The following MID1 variants were observed in gnomAD, a reference collection of about 807,000 sequenced individuals.
MID1 encodes midline 1.
Under a neutral mutation model 40.4 loss-of-function variants are expected in MID1, and 7 were observed. The observed-to-expected ratio is 0.17, with a 90% CI of 0.10 to 0.33. MID1 has a LOEUF of 0.33. Among genes scored for constraint, MID1 ranks in the 10% least tolerant of loss-of-function variants. MID1 has a pLI of 1.00. For synonymous variants in MID1, 229 were observed against 221.2 expected, an observed-to-expected ratio of 1.04 and a Z score of -0.31; for missense variants, 367 against 558.5, an observed-to-expected ratio of 0.66 and a Z score of 3.46.
At position 10,584,072 on chromosome X, in the gene MID1, G is replaced by T. The variant is rs184336159; in HGVS notation, c.-56-16469C>A. On this transcript the variant is annotated intron_variant, in intron 1 of 9. Transcript: ENST00000317552. ...GAACAGAGAGCAGGTTAGGGGCCTG[G>T]TATCTCTGTTTCCAAAATGGCACCT... 2.3e-4 allele frequency among the ~76,000 whole-genome samples: 25 copies of T among 110,158 alleles called. No individual in the cohort carries two copies. The East Asian group carries it at 3.7e-3, about 16-fold the overall frequency.
At chrX:10,642,738 G>A (rs754310160) in intron 1 of MID1, among the ~76,000 whole-genome samples, 3 of 110,195 alleles carry the variant, frequency 2.7e-5, no homozygotes, top group African/African-American at 1.0e-4. Context: ...AAAGCTGGAG[G>A]CATCACGCTA....
intron 1 of MID1, among the ~76,000 whole-genome samples, chrX:10,717,128 T>C (rs2043310212): frequency 9.0e-6 from 1 of 111,729 alleles, no homozygotes; most frequent in Non-Finnish European, 1.9e-5. Flanking sequence ...AGGAAGAAAC[T>C]GCATCAACTA....
intron 1 of MID1, among the ~76,000 whole-genome samples, chrX:10,613,720 TATATATATATATAGAGAGAG>T (rs1331034777): frequency 1.8e-5 from 1 of 56,069 alleles, no homozygotes; most frequent in African/African-American, 9.0e-5. Flanking sequence ...TATATATATA[TATATATATATATAGAGAGAG>T]AGAGAGAGAG....
chrX:10,484,368 T>C (rs1470102422), intron 4 of MID1, among the ~76,000 whole-genome samples: 1 of 112,671 alleles, frequency 8.9e-6, no homozygotes, highest in African/African-American at 3.2e-5. Context: ...CTACTTATCC[T>C]TTAGATATGC....
intron 1 of MID1, among the ~76,000 whole-genome samples, chrX:10,824,738 T>C (rs2044203497): frequency 9.0e-6 from 1 of 111,678 alleles, no homozygotes; most frequent in Non-Finnish European, 1.9e-5. Flanking sequence ...GCAGGGAAAG[T>C]AGTGGAAAGA....
At chrX:10,730,816 C>T (rs1008024204) in intron 1 of MID1, among the ~76,000 whole-genome samples, 10 of 110,630 alleles carry the variant, frequency 9.0e-5, no homozygotes, top group African/African-American at 2.3e-4. Context: ...CCTCATGATC[C>T]GCCCACGTCG....
At chrX:10,596,539 C>T (rs914887837) in intron 1 of MID1, among the ~76,000 whole-genome samples, 1 of 112,079 alleles carries the variant, frequency 8.9e-6, no homozygotes, top group African/African-American at 3.2e-5. Context: ...TTGTCCACCC[C>T]ATTAATTATA....
chrX:10,451,516 C>T (rs967424380), intron 9 of MID1, among the ~76,000 whole-genome samples: 2 of 111,361 alleles, frequency 1.8e-5, no homozygotes, highest in African/African-American at 6.5e-5. Context: ...CCTTCTGTGG[C>T]ATGCATCGAG....
intron 1 of MID1, among the ~76,000 whole-genome samples, chrX:10,665,403 G>A (rs947387271): frequency 5.4e-5 from 6 of 111,483 alleles, no homozygotes; most frequent in African/African-American, 1.3e-4. Flanking sequence ...AGGTGAATTC[G>A]GCTGGTTCTT....
intron 1 of MID1, among the ~76,000 whole-genome samples, chrX:10,799,669 A>C (rs1261965708): frequency 9.3e-6 from 1 of 107,296 alleles, no homozygotes; most frequent in Non-Finnish European, 1.9e-5. Context: ...GATACCTAAC[A>C]GGCTGATCTC....
rs1293732350 is a variant in MID1, at chrX:10,730,083, C to CA, written c.-187+103470dup. On this transcript the variant is annotated intron_variant, in intron 1 of 10. Coordinates refer to the MID1 transcript ENST00000380785. ...TGGGCAACAGAGCGAGACTCCATCT[C>CA]AAAAAAAAAAAAATAAATAAATGAA... is the stretch of plus-strand genomic sequence containing the variant. Among the ~76,000 whole-genome samples the CA allele has an allele frequency of 7.0e-3, 484 of 69,167 alleles. 3 individuals carry two copies. The highest frequency in any genetic ancestry group is 0.017 in the Middle Eastern group (2 of 115). 60.1% of individuals were successfully genotyped at this position (69,167 alleles called of 115,157 possible). A position where few individuals can be genotyped will look rare whatever the true frequency, so the allele number is the denominator to read the frequency against.
chrX:10,557,208 TC>T (rs1934155645), intron 2 of MID1, among the ~76,000 whole-genome samples: 1 of 111,633 alleles, frequency 9.0e-6, no homozygotes, highest in African/African-American at 3.3e-5. Context: ...CATGGGGGCA[TC>T]TTCTAGGCAA....
chrX:10,691,336 G>A (rs1436264336), intron 1 of MID1, among the ~76,000 whole-genome samples: 3 of 111,570 alleles, frequency 2.7e-5, no homozygotes, highest in Non-Finnish European at 3.8e-5. Context: ...TCAGGAGTTC[G>A]AGACCTGTTG....
At chrX:10,789,509 G>A (rs1016925460) in intron 1 of MID1, among the ~76,000 whole-genome samples, 5 of 111,906 alleles carry the variant, frequency 4.5e-5, no homozygotes, top group African/African-American at 1.6e-4. Context: ...AAATACCATT[G>A]TGTTACAGTT....
intron 1 of MID1, among the ~76,000 whole-genome samples, chrX:10,771,547 A>G (rs1418197593): frequency 9.3e-6 from 1 of 106,988 alleles, no homozygotes; most frequent in Non-Finnish European, 1.9e-5. Context: ...GCTGGAGTGC[A>G]GTGGTGCAAT....
At chrX:10,742,682 T>G in intron 1 of MID1, among the ~76,000 whole-genome samples, 1 of 112,714 alleles carries the variant, frequency 8.9e-6, no homozygotes, top group East Asian at 2.8e-4. Context: ...ACTTATTTTC[T>G]TCACAAGTCT....
chrX:10,803,352 C>CTTT (rs757624510), intron 1 of MID1, among the ~76,000 whole-genome samples: 30 of 90,654 alleles, frequency 3.3e-4, no homozygotes, highest in African/African-American at 1.1e-3. Flanking sequence ...ACTATATTTT[C>CTTT]TTTTTTTTTT....
intron 2 of MID1, among the ~76,000 whole-genome samples, chrX:10,543,327 A>C (rs191917983): frequency 8.0e-5 from 9 of 112,197 alleles, no homozygotes; most frequent in African/African-American, 2.6e-4. Context: ...CTTTTTCCAC[A>C]GTCCTCCTTG....
upstream of MID1, among the ~76,000 whole-genome samples, chrX:10,623,010 G>A (rs1935951680): frequency 9.5e-6 from 1 of 105,431 alleles, no homozygotes; most frequent in Non-Finnish European, 1.9e-5. Context: ...TTTGAAGGCC[G>A]AGGAGGGCGG....
Sources: gnomAD v4.1 joint callset for allele counts (sites outside exome capture counted in the v4.1 genomes callset) on GRCh38, gnomAD v4.1.1 for gene constraint, MANE v1.5 for transcripts, NCBI Gene and HGNC (gene_info 2026-07-23, HGNC 2026-07-21) for gene names.